The following RHBDL3 variants were observed in gnomAD, a reference collection of about 807,000 sequenced individuals.
The protein encoded by RHBDL3 is rhomboid-related protein 3.
RHBDL3 carries 28 observed loss-of-function variants against 48.2 expected under a neutral mutation model. The ratio of observed to expected loss-of-function variants is 0.58; its 90% CI spans 0.43 to 0.80. RHBDL3 has a LOEUF of 0.80. Ranked by LOEUF, RHBDL3 falls within the 30% of genes least tolerant of loss-of-function variation. The pLI is 0.00. For synonymous variants in RHBDL3, 208 were observed against 232.3 expected (o/e 0.90, Z 0.95); for missense variants, 464 against 542.7 (o/e 0.85, Z 1.44).
Position 32,294,258 on chromosome 17 carries a change from G to A in RHBDL3, c.520-36G>A, listed in dbSNP as rs755677454. On this transcript the variant is annotated intron_variant, in intron 4 of 8. Transcript: ENST00000269051. ...CACAACAGGAAGTTTCCTGGGCAGTGTGCACCTAGTAACAGACTCTCTCTC... is the reference window on the plus strand; with the variant it reads ...CACAACAGGAAGTTTCCTGGGCAGTATGCACCTAGTAACAGACTCTCTCTC... 5.0e-6 allele frequency: 8 copies of A among 1,600,090 alleles called. No homozygotes were observed. In the South Asian group the frequency reaches 7.9e-5, roughly 16 times the overall value.
At chr17:32,295,537 G>A (rs1170994782) in intron 5 of RHBDL3, among the ~76,000 whole-genome samples, 1 of 152,228 alleles carries the variant, frequency 6.6e-6, no homozygotes, top group Non-Finnish European at 1.5e-5. Flanking sequence ...CAGACACGGG[G>A]GCTTCCCTGC....
At chr17:32,294,268 T>G in intron 4 of RHBDL3, 26 bp from the exon 5 acceptor site, 1 of 1,609,452 alleles carries the variant, frequency 6.2e-7, no homozygotes, top group Non-Finnish European at 8.5e-7. Context: ...GTGCACCTAG[T>G]AACAGACTCT....
intron 7 of RHBDL3, 120 bp downstream of exon 7, chr17:32,305,561 G>A (rs2040690263): frequency 4.2e-6 from 3 of 720,256 alleles, no homozygotes; most frequent in African/African-American, 1.7e-5. Context: ...CTGGAGCAGA[G>A]TTCTCACACA....
At chr17:32,310,467 CACTTTGGG>C (rs2040817495) in intron 7 of RHBDL3, among the ~76,000 whole-genome samples, 1 of 152,092 alleles carries the variant, frequency 6.6e-6, no homozygotes, top group South Asian at 2.1e-4. Context: ...GTAATCTCAG[CACTTTGGG>C]AGGCTGAGGC....
intron 2 of RHBDL3, among the ~76,000 whole-genome samples, chr17:32,283,038 G>GA (rs527627641): frequency 2.0e-5 from 3 of 152,280 alleles, no homozygotes; most frequent in African/African-American, 7.2e-5. Context: ...TGACCATCTA[G>GA]AAAAGGCGAA....
At chr17:32,286,814 C>G (rs1365261248) in intron 3 of RHBDL3, among the ~76,000 whole-genome samples, 1 of 152,154 alleles carries the variant, frequency 6.6e-6, no homozygotes, top group Non-Finnish European at 1.5e-5. Flanking sequence ...ACAATGGTGC[C>G]TAGCTGAGAG....
At chr17:32,266,888 A>T (rs529994108) in intron 1 of RHBDL3, among the ~76,000 whole-genome samples, 5 of 152,152 alleles carry the variant, frequency 3.3e-5, no homozygotes, top group African/African-American at 1.2e-4. Flanking sequence ...GAGGCCCGGG[A>T]GTCCAAGACC....
chr17:32,276,693 C>T (rs1052431928), intron 2 of RHBDL3, among the ~76,000 whole-genome samples: 5 of 150,776 alleles, frequency 3.3e-5, no homozygotes, highest in Non-Finnish European at 7.4e-5. Flanking sequence ...GTACTCCAGC[C>T]CTAGCACAGT....
chr17:32,282,111 C>G (rs2040066752), intron 2 of RHBDL3, among the ~76,000 whole-genome samples: 1 of 152,190 alleles, frequency 6.6e-6, no homozygotes, highest in Non-Finnish European at 1.5e-5. Flanking sequence ...GTATTTGGCT[C>G]CATGAAAACA....
rs2039621451 is a variant in RHBDL3 at position 32,266,119 on chromosome 17, C to T, written c.-71C>T. On this transcript the variant is annotated 5_prime_UTR_variant, in exon 1 of 9. Transcript: ENST00000269051. The stretch of plus-strand genomic sequence containing the variant: ...AGCCCCTGGAGCGGCGCGGCCGCCG[C>T]GGCGCAAAGTTAGCCCGGCGCCCCG... 1 of 450,390 alleles carries T rather than the reference C, an allele frequency of 2.2e-6. No individual in the cohort carries two copies. 27.9% of individuals were successfully genotyped at this position (450,390 alleles called of 1,614,324 possible). A position where few individuals can be genotyped will look rare whatever the true frequency, so the allele number is the denominator to read the frequency against.
chr17:32,297,014 C>G (rs906735384), intron 5 of RHBDL3, among the ~76,000 whole-genome samples: 1 of 151,616 alleles, frequency 6.6e-6, no homozygotes, highest in Non-Finnish European at 1.5e-5. Flanking sequence ...GCCACCATGC[C>G]TAATTTTCAT....
At position 32,315,542 on chromosome 17, in the gene RHBDL3, C is replaced by T. The variant is rs543587020; in HGVS notation, c.883-690C>T. ...CCCACCCCCTCTCCAGTATCTGATT[C>T]TCCTCTGGAGCATCCTTTCCGAGTG... On this transcript the variant is annotated intron_variant, in intron 7 of 8. Transcript: ENST00000269051. 2.0e-5 allele frequency among the ~76,000 whole-genome samples: 3 copies of T among 152,266 alleles called. No homozygotes were observed. The East Asian group carries it at 5.8e-4, about 29-fold the overall frequency.
intron 2 of RHBDL3, among the ~76,000 whole-genome samples, chr17:32,270,808 T>C (rs907673307): frequency 1.5e-4 from 23 of 152,232 alleles, no homozygotes; most frequent in African/African-American, 5.5e-4. Flanking sequence ...CGTCTTTTCA[T>C]ATTTTGGAGA....
chr17:32,294,367 A>G lies in RHBDL3; in HGVS notation c.593A>G (p.Lys198Arg). 6.2e-7 allele frequency: 1 copy of G among 1,614,146 alleles called. No homozygotes were observed. Among genetic ancestry groups the G allele is most frequent in the Non-Finnish European group, 8.5e-7 (1 of 1,180,030 alleles). ...CAGGTAACTCATCCACGTTACTTGA[A>G]GAACTCCCTGGTTTACCACCCACAG... The part of the protein sequence containing the change: ...VLQVTHPRYL[K>R]NSLVYHPQLR... Residue 198 changes from lysine (K) to arginine (R), a missense_variant, in exon 5 of 9, where the codon AAG becomes AGG. Coordinates refer to ENST00000269051, the MANE Select transcript of RHBDL3 (RefSeq NM_138328.3).
rs1401565828 is a variant in RHBDL3, at chr17:32,321,017, T to A, written c.1003T>A (p.Cys335Ser). ...LRFHPSAYPP[C>S]PHPSFVAHLG... is the part of the protein sequence containing the mutation. ...CTTCCACCCGTCGGCCTATCCCCCG[T>A]GCCCTCACCCAAGCTTTGTGGCGCA... Residue 335 changes from cysteine (C) to serine (S), a missense_variant, in exon 9 of 9, where the codon TGC becomes AGC. Cys to Ser is a moderately radical substitution (Grantham distance 112). Coordinates refer to ENST00000269051, the MANE Select transcript of RHBDL3 (RefSeq NM_138328.3). The A allele has an allele frequency of 6.2e-7, 1 of 1,614,058 alleles. No homozygotes were observed. The highest frequency in any genetic ancestry group is 1.3e-5 in the African/African-American group (1 of 74,948).
chr17:32,311,292 T>C (rs1004263294), intron 7 of RHBDL3, among the ~76,000 whole-genome samples: 27 of 152,232 alleles, frequency 1.8e-4, no homozygotes, highest in Non-Finnish European at 5.9e-5. Context: ...AGATTTTTTT[T>C]CTTCTCTCCC....
At chr17:32,314,669 G>A (rs557158776) in intron 7 of RHBDL3, among the ~76,000 whole-genome samples, 4 of 152,270 alleles carry the variant, frequency 2.6e-5, no homozygotes, top group East Asian at 3.9e-4. Flanking sequence ...GTGGGTGTCC[G>A]CCTTTGGGAA....
chr17:32,285,824 G>C (rs2040185610), intron 3 of RHBDL3, among the ~76,000 whole-genome samples: 1 of 152,198 alleles, frequency 6.6e-6, no homozygotes, highest in Non-Finnish European at 1.5e-5. Context: ...CACCAGTGAT[G>C]GGGGAGCCGC....
At chr17:32,294,217 TC>T in intron 4 of RHBDL3, 76 bp from the exon 5 acceptor site, 1 of 1,215,806 alleles carries the variant, frequency 8.2e-7, no homozygotes, top group Non-Finnish European at 1.2e-6. Context: ...CTGTAGGGAC[TC>T]CCAGTGCTAG....
Sources: allele counts gnomAD v4.1 joint callset (sites outside exome capture counted in the v4.1 genomes callset), GRCh38; gene constraint gnomAD v4.1.1; transcripts MANE v1.5; gene names NCBI Gene and HGNC (gene_info 2026-07-23, HGNC 2026-07-21).